The following MAGI1 variants were observed in gnomAD, a reference collection of about 807,000 sequenced individuals.
The protein encoded by MAGI1 is membrane-associated guanylate kinase, WW and PDZ domain-containing protein 1.
MAGI1 carries 58 observed loss-of-function variants against 139.9 expected under a neutral mutation model. The ratio of observed to expected loss-of-function variants is 0.41; its 90% CI spans 0.34 to 0.52. The LOEUF (loss-of-function observed/expected upper bound fraction) is 0.52. MAGI1 is among the 20% of genes least tolerant of loss of function. The pLI is 0.12. For synonymous variants in MAGI1, 812 were observed against 737.9 expected (o/e 1.10, Z -1.63); for missense variants, 1,874 against 1,901.6 (o/e 0.99, Z 0.27).
chr3:65,357,182 C>A, intron 22 of MAGI1, 50 bp from the exon 23 acceptor site: 1 of 1,545,562 alleles, frequency 6.5e-7, no homozygotes. Flanking sequence ...GGTCCCTCGG[C>A]TCCTGTCCCC....
chr3:65,654,454 G>A (rs986103119), intron 1 of MAGI1, among the ~76,000 whole-genome samples: 1 of 152,176 alleles, frequency 6.6e-6, no homozygotes, highest in African/African-American at 2.4e-5. Context: ...TAAACAAAGA[G>A]AGAAAAACAG....
intron 1 of MAGI1, among the ~76,000 whole-genome samples, chr3:65,698,560 G>A (rs902494812): frequency 6.6e-5 from 10 of 152,008 alleles, no homozygotes; most frequent in Non-Finnish European, 1.5e-4. Flanking sequence ...AGAGCCCTCA[G>A]AAATAACGCT....
chr3:65,424,452 T>G (rs1287541450), intron 12 of MAGI1, among the ~76,000 whole-genome samples: 1 of 152,132 alleles, frequency 6.6e-6, no homozygotes, highest in African/African-American at 2.4e-5. Context: ...TTTTAACATT[T>G]CATGAATGTA....
intron 2 of MAGI1, among the ~76,000 whole-genome samples, chr3:65,510,920 C>T (rs1256916419): frequency 1.3e-5 from 2 of 148,508 alleles, no homozygotes; most frequent in South Asian, 2.2e-4. Flanking sequence ...TCGGGTTACC[C>T]TCAAAGGGAA....
chr3:65,582,138 G>T (rs2081457773), intron 2 of MAGI1, among the ~76,000 whole-genome samples: 2 of 152,158 alleles, frequency 1.3e-5, no homozygotes, highest in African/African-American at 4.8e-5. Flanking sequence ...CATGATTATA[G>T]GCTGTACTTG....
At chr3:65,781,005 G>A (rs2038885673) in intron 1 of MAGI1, among the ~76,000 whole-genome samples, 1 of 152,174 alleles carries the variant, frequency 6.6e-6, no homozygotes, top group East Asian at 1.9e-4. Context: ...AGACCAGTCT[G>A]GCCAACATAG....
chr3:65,712,019 A>C (rs2031505069), intron 1 of MAGI1, among the ~76,000 whole-genome samples: 1 of 152,142 alleles, frequency 6.6e-6, no homozygotes, highest in Non-Finnish European at 1.5e-5. Context: ...TATAAACTTC[A>C]TGAGGACAGA....
chr3:65,724,916 C>T (rs952648472), intron 1 of MAGI1, among the ~76,000 whole-genome samples: 1 of 152,142 alleles, frequency 6.6e-6, no homozygotes, highest in Non-Finnish European at 1.5e-5. Flanking sequence ...CTGGGTCCCT[C>T]CCACAACACT....
chr3:65,940,925 T>A (rs925283994), intron 1 of MAGI1, among the ~76,000 whole-genome samples: 7 of 152,180 alleles, frequency 4.6e-5, no homozygotes, highest in African/African-American at 1.4e-4. Flanking sequence ...TATTACAGTT[T>A]TCCTGGCAAC....
chr3:65,745,845 T>A (rs1261692792), intron 1 of MAGI1, among the ~76,000 whole-genome samples: 1 of 152,140 alleles, frequency 6.6e-6, no homozygotes, highest in Non-Finnish European at 1.5e-5. Context: ...TCCTCCCACT[T>A]TGGCCTCCCA....
chr3:65,365,279 A>G, intron 18 of MAGI1: 2 of 509,632 alleles, frequency 3.9e-6, no homozygotes, highest in Non-Finnish European at 7.6e-6. Context: ...CAGTCCCATC[A>G]AAGTGCTGCA....
intron 12 of MAGI1, among the ~76,000 whole-genome samples, chr3:65,408,063 T>C (rs2107172995): frequency 6.6e-6 from 1 of 152,316 alleles, no homozygotes; most frequent in South Asian, 2.1e-4. Flanking sequence ...TAATTTTGCA[T>C]ATAATTTCAG....
chr3:65,383,806 G>A (rs1285828901), intron 14 of MAGI1, among the ~76,000 whole-genome samples, 183 bp from the exon 15 acceptor site: 1 of 152,182 alleles, frequency 6.6e-6, no homozygotes, highest in Admixed American at 6.5e-5. Context: ...GATAAACAGT[G>A]GGAATAGTCA....
chr3:65,861,485 T>C (rs1302372478), intron 1 of MAGI1, among the ~76,000 whole-genome samples: 1 of 152,094 alleles, frequency 6.6e-6, no homozygotes, highest in Admixed American at 6.6e-5. Flanking sequence ...GTATTACCCC[T>C]CTTACTAACA....
Position 65,739,464 on chromosome 3 carries a change from T to G in MAGI1, c.314-117376A>C, listed in dbSNP as rs141403131. On this transcript the variant is annotated intron_variant, in intron 1 of 22. Coordinates refer to ENST00000402939, the MANE Select transcript of MAGI1 (RefSeq NM_001033057.2). ...TGCTTACTGGAATAGCCCTTTTAAT[T>G]TGCCGCCAGAACTCTTCCCTTTGCA... Among the ~76,000 whole-genome samples the G allele has an allele frequency of 4.0e-3, 612 of 152,340 alleles. 4 individuals carry two copies. The highest frequency in any genetic ancestry group is 0.014 in the African/African-American group (585 of 41,582).
At chr3:65,805,700 G>C (rs264082) in intron 1 of MAGI1, among the ~76,000 whole-genome samples, 1 of 151,966 alleles carries the variant, frequency 6.6e-6, no homozygotes, top group Non-Finnish European at 1.5e-5. Context: ...ATGCCCATCA[G>C]CAATAGGCTG....
At chr3:65,749,365 TC>T (rs1306028680) in intron 1 of MAGI1, among the ~76,000 whole-genome samples, 1 of 152,186 alleles carries the variant, frequency 6.6e-6, no homozygotes, top group Non-Finnish European at 1.5e-5. Flanking sequence ...GCAAAACTGT[TC>T]TGTGGCAACC....
intron 1 of MAGI1, among the ~76,000 whole-genome samples, chr3:65,715,506 T>G (rs2107666203): frequency 6.6e-6 from 1 of 152,328 alleles, no homozygotes; most frequent in East Asian, 1.9e-4. Flanking sequence ...TTTGTCTATT[T>G]CATCTTGACT....
At chr3:65,641,543 A>G (rs1158330682) in intron 1 of MAGI1, among the ~76,000 whole-genome samples, 1 of 152,204 alleles carries the variant, frequency 6.6e-6, no homozygotes, top group Admixed American at 6.5e-5. Context: ...TACACACAGA[A>G]TCTTCTGTTG....
Sources: gnomAD v4.1 joint callset for allele counts (sites outside exome capture counted in the v4.1 genomes callset) on GRCh38, gnomAD v4.1.1 for gene constraint, MANE v1.5 for transcripts, NCBI Gene and HGNC (gene_info 2026-07-23, HGNC 2026-07-21) for gene names.